The following MTUS1 variants were observed in gnomAD, a reference collection of about 807,000 sequenced individuals.
The protein encoded by MTUS1 is microtubule associated scaffold protein 1, also known as microtubule-associated tumor suppressor 1.
MTUS1 carries 109 observed loss-of-function variants against 120.8 expected under a neutral mutation model. That is an observed-to-expected ratio of 0.90 (90% CI 0.77 to 1.06). The LOEUF (loss-of-function observed/expected upper bound fraction) is 1.06, where lower values mean the gene tolerates loss of function less well. Among genes scored for constraint, MTUS1 ranks in the 50% least tolerant of loss-of-function variants. MTUS1 has a pLI of 0.00. For synonymous variants in MTUS1, 737 were observed against 550.5 expected (o/e 1.34, Z -4.74); for missense variants, 2,210 against 1,486.3 (o/e 1.49, Z -8.01).
At chr8:17,686,189 G>A (rs4921802) in intron 6 of MTUS1, among the ~76,000 whole-genome samples, 1 of 152,118 alleles carries the variant, frequency 6.6e-6, no homozygotes, top group East Asian at 1.9e-4. Flanking sequence ...CCTGGATGTA[G>A]ACAACTTCTA....
chr8:17,794,379 G>C (rs2052049238), intron 1 of MTUS1, among the ~76,000 whole-genome samples: 1 of 151,956 alleles, frequency 6.6e-6, no homozygotes, highest in South Asian at 2.1e-4. Context: ...CTAACAGCAA[G>C]GATTTTTACT....
At chr8:17,683,771 G>A (rs150012363) in intron 7 of MTUS1, among the ~76,000 whole-genome samples, 2 of 152,182 alleles carry the variant, frequency 1.3e-5, no homozygotes, top group Non-Finnish European at 2.9e-5. Context: ...ATTTTAGCCA[G>A]TTCCTGAAAT....
At chr8:17,654,848 G>A (rs1807856476) in intron 9 of MTUS1, 182 bp from the exon 10 acceptor site, 2 of 585,800 alleles carry the variant, frequency 3.4e-6, no homozygotes, top group South Asian at 4.5e-5. Flanking sequence ...CAGCACTCTG[G>A]GAGGCAGAGG....
chr8:17,704,947 T>C (rs1365944353), intron 6 of MTUS1, among the ~76,000 whole-genome samples: 3 of 152,152 alleles, frequency 2.0e-5, no homozygotes, highest in Non-Finnish European at 4.4e-5. Flanking sequence ...AACCTCAGTT[T>C]GTTCTTTGCT....
intron 3 of MTUS1, among the ~76,000 whole-genome samples, chr8:17,741,821 A>C (rs2047339322): frequency 6.6e-6 from 1 of 152,206 alleles, no homozygotes; most frequent in Non-Finnish European, 1.5e-5. Flanking sequence ...TGTCCCTAGA[A>C]AGGTAAGGGC....
At chr8:17,798,762 C>T (rs2052456325) in intron 1 of MTUS1, among the ~76,000 whole-genome samples, 1 of 151,078 alleles carries the variant, frequency 6.6e-6, no homozygotes, top group Non-Finnish European at 1.5e-5. Context: ...TATGTCAAAA[C>T]TACTGTAAAT....
At chr8:17,685,893 T>G (rs1259085939) in intron 6 of MTUS1, among the ~76,000 whole-genome samples, 1 of 152,192 alleles carries the variant, frequency 6.6e-6, no homozygotes, top group Non-Finnish European at 1.5e-5. Flanking sequence ...TATGAATAAT[T>G]GTCACTTGCA....
intron 1 of MTUS1, among the ~76,000 whole-genome samples, chr8:17,791,137 A>G (rs1021119100): frequency 4.6e-5 from 7 of 152,236 alleles, no homozygotes; most frequent in Admixed American, 2.6e-4. Flanking sequence ...TCCCAGTTCC[A>G]TAACTTACTC....
intron 4 of MTUS1, among the ~76,000 whole-genome samples, chr8:17,719,163 C>A (rs1326438844): frequency 6.6e-6 from 1 of 151,980 alleles, no homozygotes; most frequent in Non-Finnish European, 1.5e-5. Context: ...GAGTGAGACT[C>A]TGTCTCAAAA....
intron 13 of MTUS1, 72 bp downstream of exon 13, chr8:17,649,774 T>G: frequency 1.2e-6 from 1 of 833,056 alleles, no homozygotes; most frequent in Non-Finnish European, 2.1e-6. Flanking sequence ...TCCACAGTTC[T>G]AAAATGCAGG....
chr8:17,723,664 C>A lies in MTUS1; in HGVS notation c.2449+8G>T. The stretch of plus-strand genomic sequence containing the variant: ...CAACCCCCGAAGTGTGATATAAAGT[C>A]GACTTACAATTGTTGCTGTAAGTGC... On this transcript the variant is annotated splice_region_variant and intron_variant, in intron 4 of 14. Coordinates refer to ENST00000693296, the MANE Select transcript of MTUS1 (RefSeq NM_001363059.2). The A allele has an allele frequency of 1.9e-6, 3 of 1,606,256 alleles. No individual in the cohort carries two copies. The highest frequency in any genetic ancestry group is 2.6e-6 in the Non-Finnish European group (3 of 1,173,490).
chr8:17,799,066 G>A (rs1379427445), intron 1 of MTUS1, among the ~76,000 whole-genome samples: 4 of 151,542 alleles, frequency 2.6e-5, no homozygotes, highest in African/African-American at 7.3e-5. Flanking sequence ...ACAAGAATAC[G>A]GTAACACCAG....
At chr8:17,720,782 G>A (rs192554601) in intron 4 of MTUS1, among the ~76,000 whole-genome samples, 190 of 152,234 alleles carry the variant, frequency 1.2e-3, no homozygotes, top group African/African-American at 4.4e-3. Flanking sequence ...AGGTATCTGA[G>A]TGTGAAAGAC....
At chr8:17,744,879 A>G (rs2047627002) in intron 2 of MTUS1, among the ~76,000 whole-genome samples, 1 of 151,786 alleles carries the variant, frequency 6.6e-6, no homozygotes, top group Non-Finnish European at 1.5e-5. Context: ...CTTTGAATCC[A>G]CCTATGATCT....
chr8:17,670,785 T>G (rs989343305), intron 8 of MTUS1, among the ~76,000 whole-genome samples: 5 of 151,604 alleles, frequency 3.3e-5, no homozygotes, highest in Non-Finnish European at 7.4e-5. Flanking sequence ...ATAGTGCCAG[T>G]GCACTCCAGC....
intron 3 of MTUS1, among the ~76,000 whole-genome samples, chr8:17,724,877 T>C (rs954836776): frequency 6.6e-6 from 1 of 152,196 alleles, no homozygotes; most frequent in African/African-American, 2.4e-5. Flanking sequence ...TTGAGTACTC[T>C]AGGTTTTCAT....
At chr8:17,681,593 C>A (rs945976902) in intron 7 of MTUS1, 1 of 154,716 alleles carries the variant, frequency 6.5e-6, no homozygotes, top group African/African-American at 2.4e-5. Flanking sequence ...TAGGCTGGTG[C>A]AAAAGTAACT....
chr8:17,687,966 G>C (rs1186028458), intron 6 of MTUS1, among the ~76,000 whole-genome samples: 1 of 152,178 alleles, frequency 6.6e-6, no homozygotes, highest in Non-Finnish European at 1.5e-5. Flanking sequence ...ACAATTTTGA[G>C]AGAAAAACCT....
intron 6 of MTUS1, among the ~76,000 whole-genome samples, chr8:17,694,644 G>A (rs569501877): frequency 2.4e-4 from 37 of 152,134 alleles, no homozygotes; most frequent in African/African-American, 8.9e-4. Flanking sequence ...CTCCAGCCTA[G>A]GCAACAGAGC....
Sources: allele counts gnomAD v4.1 joint callset (sites outside exome capture counted in the v4.1 genomes callset), GRCh38; gene constraint gnomAD v4.1.1; transcripts MANE v1.5; gene names NCBI Gene and HGNC (gene_info 2026-07-23, HGNC 2026-07-21).